ASAP1: variants seen among roughly 807,000 people sequenced by gnomAD.
ASAP1 encodes the protein ArfGAP with SH3 domain, ankyrin repeat and PH domain 1.
ASAP1 carries 43 observed loss-of-function variants against 145.2 expected under a neutral mutation model. The observed-to-expected ratio is 0.30, with a 90% CI of 0.23 to 0.38. The LOEUF (loss-of-function observed/expected upper bound fraction) is 0.38, where lower values mean the gene tolerates loss of function less well. ASAP1 is among the 10% of genes least tolerant of loss of function. The pLI, the probability that ASAP1 is intolerant of heterozygous loss-of-function variation, is 1.00. For missense variants in ASAP1, 1,018 were observed against 1,355.3 expected (o/e 0.75, Z 3.91); for synonymous variants, 546 against 515.5 (o/e 1.06, Z -0.80).
chr8:130,271,162 A>C (rs1330680311), intron 3 of ASAP1, among the ~76,000 whole-genome samples: 1 of 152,184 alleles, frequency 6.6e-6, no homozygotes, highest in African/African-American at 2.4e-5. Flanking sequence ...TTATTCTTCC[A>C]ATCAGCAGAG....
chr8:130,180,778 C>T lies in ASAP1; in HGVS notation c.633G>A (p.Arg211=), dbSNP rs760048107. The T allele has an allele frequency of 7.4e-6, 12 of 1,612,824 alleles. No homozygotes were observed. The highest frequency in any genetic ancestry group is 1.1e-5 in the South Asian group (1 of 90,786). ...CACACATTTGGAGCTGAAAGAGGCG[C>T]CTTTCCTTCTCCATTTCTTCCGCAA... ...AEIAEEMEKE[R]RLFQLQMCEY... is the part of the protein sequence containing the mutation. Residue 211 remains arginine, a synonymous_variant, in exon 8 of 30, where the codon AGG becomes AGA. Coordinates refer to ENST00000518721, the MANE Select transcript of ASAP1 (RefSeq NM_018482.4).
chr8:130,126,082 G>C lies in ASAP1; in HGVS notation c.1389C>G (p.Thr463=). 1 of 1,608,746 alleles carries C rather than the reference G, an allele frequency of 6.2e-7. No individual in the cohort carries two copies. Reference sequence around the variant, plus strand: ...AAATACCCAAGTTGGTTGAAAGCCAGGTGGGTTCTGTGGAAAGAATGTTGA... The same window carrying C: ...AAATACCCAAGTTGGTTGAAAGCCACGTGGGTTCTGTGGAAAGAATGTTGA... The part of the protein sequence containing the change: ...ICCDCGSSEP[T]WLSTNLGILT... Residue 463 remains threonine (T), a synonymous_variant, in exon 17 of 30, where the codon ACC becomes ACG. Transcript: ENST00000518721.
chr8:130,327,316 G>A (rs1410929256), intron 3 of ASAP1, among the ~76,000 whole-genome samples: 3 of 152,084 alleles, frequency 2.0e-5, no homozygotes, highest in Non-Finnish European at 2.9e-5. Context: ...AAAATTGTTG[G>A]GCAAGCTGCT....
intron 3 of ASAP1, among the ~76,000 whole-genome samples, chr8:130,310,155 T>C (rs866707341): frequency 4.1e-5 from 2 of 48,600 alleles, no homozygotes; most frequent in African/African-American, 7.6e-5. Flanking sequence ...GGGAGGGGGG[T>C]GAGGGGAGGG....
intron 23 of ASAP1, among the ~76,000 whole-genome samples, chr8:130,113,086 C>G (rs930493595): frequency 6.6e-6 from 1 of 152,216 alleles, no homozygotes; most frequent in African/African-American, 2.4e-5. Flanking sequence ...CTCCACACTG[C>G]AGCCAGAGCT....
chr8:130,319,226 T>C (rs1823854973), intron 3 of ASAP1, among the ~76,000 whole-genome samples: 1 of 152,228 alleles, frequency 6.6e-6, no homozygotes, highest in African/African-American at 2.4e-5. Flanking sequence ...TTTATGTTAC[T>C]GTTGCATTGG....
intron 11 of ASAP1, among the ~76,000 whole-genome samples, chr8:130,162,771 T>C (rs936864491): frequency 4.6e-5 from 7 of 151,380 alleles, no homozygotes; most frequent in African/African-American, 1.5e-4. Flanking sequence ...TGAACCGAGA[T>C]TGCGCCACTG....
intron 5 of ASAP1, among the ~76,000 whole-genome samples, chr8:130,188,590 C>T (rs1323314009): frequency 6.6e-6 from 1 of 151,286 alleles, no homozygotes; most frequent in Admixed American, 6.6e-5. Context: ...AAAAATTAGC[C>T]AGGTATGGTG....
At chr8:130,388,664 G>T (rs1426969742) in intron 2 of ASAP1, among the ~76,000 whole-genome samples, 1 of 152,186 alleles carries the variant, frequency 6.6e-6, no homozygotes, top group Non-Finnish European at 1.5e-5. Context: ...AATCCAAGCC[G>T]GCTTGGTGTC....
At chr8:130,299,039 C>T (rs1206143549) in intron 3 of ASAP1, among the ~76,000 whole-genome samples, 1 of 152,154 alleles carries the variant, frequency 6.6e-6, no homozygotes, top group Non-Finnish European at 1.5e-5. Flanking sequence ...AATGAATGGC[C>T]TCTTACCTAA....
chr8:130,363,317 G>A (rs1826801744), intron 2 of ASAP1, among the ~76,000 whole-genome samples: 1 of 152,162 alleles, frequency 6.6e-6, no homozygotes, highest in South Asian at 2.1e-4. Flanking sequence ...CTTGAGCCCA[G>A]GAGTTTGAGA....
intron 24 of ASAP1, among the ~76,000 whole-genome samples, chr8:130,111,634 C>T (rs2097547107): frequency 2.0e-5 from 3 of 152,110 alleles, no homozygotes; most frequent in Non-Finnish European, 2.9e-5. Flanking sequence ...TTATTACTAG[C>T]GTCTTCAAAA....
chr8:130,260,503 C>T (rs1421835646), intron 3 of ASAP1, among the ~76,000 whole-genome samples: 1 of 152,192 alleles, frequency 6.6e-6, no homozygotes, highest in Admixed American at 6.5e-5. Context: ...AACCTGAAAT[C>T]CTGAGAGGTT....
chr8:130,179,978 A>G (rs539362342), intron 8 of ASAP1, among the ~76,000 whole-genome samples: 4 of 150,542 alleles, frequency 2.7e-5, no homozygotes, highest in Admixed American at 2.7e-4. Flanking sequence ...AGAGAAAGAG[A>G]AAGAGAATGA....
intron 5 of ASAP1, among the ~76,000 whole-genome samples, chr8:130,201,338 T>C (rs937669253): frequency 6.6e-6 from 1 of 152,174 alleles, no homozygotes; most frequent in Non-Finnish European, 1.5e-5. Context: ...AATTACACCA[T>C]GTGCTAAAGG....
At chr8:130,272,400 T>G (rs971069931) in intron 3 of ASAP1, among the ~76,000 whole-genome samples, 1 of 152,178 alleles carries the variant, frequency 6.6e-6, no homozygotes, top group Non-Finnish European at 1.5e-5. Context: ...GGTAGGAATC[T>G]AAATTAGTAC....
At chr8:130,259,167 C>G (rs946043409) in intron 3 of ASAP1, among the ~76,000 whole-genome samples, 1 of 152,138 alleles carries the variant, frequency 6.6e-6, no homozygotes, top group Non-Finnish European at 1.5e-5. Flanking sequence ...AGTGATGACT[C>G]ACTCACTAAG....
intron 3 of ASAP1, among the ~76,000 whole-genome samples, chr8:130,256,753 A>ATATATATATATATATCCT (rs1565142571): frequency 1.3e-4 from 9 of 67,040 alleles, no homozygotes; most frequent in African/African-American, 2.1e-4. Flanking sequence ...ATATATATAT[A>ATATATATATATATATCCT]TATATATATA....
At chr8:130,206,988 A>T (rs575356542) in intron 5 of ASAP1, among the ~76,000 whole-genome samples, 1 of 148,774 alleles carries the variant, frequency 6.7e-6, no homozygotes, top group Non-Finnish European at 1.5e-5. Context: ...TTTCATGGTT[A>T]AAAAAAAAAG....
Sources: allele counts gnomAD v4.1 joint callset (sites outside exome capture counted in the v4.1 genomes callset), GRCh38; gene constraint gnomAD v4.1.1; transcripts MANE v1.5; gene names NCBI Gene and HGNC (gene_info 2026-07-23, HGNC 2026-07-21).